Variants in ZBTB20 observed in about 807,000 individuals in gnomAD.
The protein encoded by ZBTB20 is zinc finger and BTB domain-containing protein 20.
A neutral mutation model predicts 56.9 loss-of-function variants in ZBTB20; 9 were observed. That is an observed-to-expected ratio of 0.16 (90% CI 0.10 to 0.28). ZBTB20 has a LOEUF of 0.28. ZBTB20 is among the 10% of genes least tolerant of loss of function. The pLI, the probability that ZBTB20 is intolerant of heterozygous loss-of-function variation, is 1.00. For synonymous variants in ZBTB20, 417 were observed against 420.7 expected, an observed-to-expected ratio of 0.99 and a Z score of 0.11; for missense variants, 655 against 1,003.0, an observed-to-expected ratio of 0.65 and a Z score of 4.69.
At chr3:114,903,113 G>C (rs1175409383) in intron 3 of ZBTB20, among the ~76,000 whole-genome samples, 1 of 152,084 alleles carries the variant, frequency 6.6e-6, no homozygotes, top group Admixed American at 6.6e-5. Flanking sequence ...TCAGAGTTCT[G>C]GGAAGCAGTA....
chr3:114,454,855 T>G (rs918304235), intron 7 of ZBTB20: 1 of 151,714 alleles, frequency 6.6e-6, no homozygotes, highest in African/African-American at 2.4e-5. Flanking sequence ...TGGGTCAGCC[T>G]GCCCGTAGGA....
At chr3:115,097,661 C>G (rs937794999) in intron 1 of ZBTB20, among the ~76,000 whole-genome samples, 2 of 152,102 alleles carry the variant, frequency 1.3e-5, no homozygotes, top group African/African-American at 4.8e-5. Flanking sequence ...AAATGAAACA[C>G]ACTGTGACCT....
rs999550432 is a variant in ZBTB20 at position 115,145,554 on chromosome 3, G to T, written c.-703+1665C>A. Among the ~76,000 whole-genome samples the T allele has an allele frequency of 3.7e-4, 57 of 152,070 alleles. 1 individual carries two copies. The highest frequency in any genetic ancestry group is 1.4e-3 in the African/African-American group (57 of 41,386). ...ATCGTTGTTACACTGTATTGTTTAGGGAATTGTGGCAAGAAAAAAACTATA... is the reference window on the plus strand; with the variant it reads ...ATCGTTGTTACACTGTATTGTTTAGTGAATTGTGGCAAGAAAAAAACTATA... On this transcript the variant is annotated intron_variant, in intron 1 of 11. Transcript: ENST00000675478.
chr3:114,872,565 G>A (rs1011600242), intron 4 of ZBTB20, among the ~76,000 whole-genome samples: 16 of 151,754 alleles, frequency 1.1e-4, no homozygotes, highest in African/African-American at 7.3e-5. Context: ...GAAATAAGAC[G>A]TTTGGGGAAA....
At chr3:114,409,114 A>G (rs1482627335) in intron 7 of ZBTB20, among the ~76,000 whole-genome samples, 1 of 149,950 alleles carries the variant, frequency 6.7e-6, no homozygotes, top group Non-Finnish European at 1.5e-5. Flanking sequence ...AAGAGGGGGA[A>G]AAAGGGAAGA....
rs563202529 is a variant in ZBTB20 at position 114,874,202 on chromosome 3, C to T, written c.-417+26102G>A. The T allele has an allele frequency of 2.6e-5, 4 of 152,048 alleles. No homozygotes were observed. The South Asian group carries it at 8.3e-4, about 32-fold the overall frequency. The allele number at this position is 152,048 out of a possible 1,614,324, so 9.4% of individuals were successfully genotyped here. On this transcript the variant is annotated intron_variant, in intron 4 of 11. Transcript: ENST00000675478. ...AATAACGTATACATTTGCTTAAACT[C>T]CAGAGTAAAGGAAAAATCTCATGGA...
chr3:114,376,447 A>T (rs1223645334), intron 10 of ZBTB20, among the ~76,000 whole-genome samples: 4 of 152,224 alleles, frequency 2.6e-5, no homozygotes, highest in Non-Finnish European at 5.9e-5. Context: ...TGCCATAAAA[A>T]TCTTCTGTTT....
chr3:115,006,002 G>A (rs1372164094), intron 2 of ZBTB20, among the ~76,000 whole-genome samples: 2 of 148,884 alleles, frequency 1.3e-5, no homozygotes, highest in Non-Finnish European at 3.0e-5. Context: ...ATTGCCAAAT[G>A]TTTTTTTTTT....
intron 1 of ZBTB20, among the ~76,000 whole-genome samples, chr3:115,091,765 A>T (rs2083203232): frequency 6.6e-6 from 1 of 151,480 alleles, no homozygotes; most frequent in Non-Finnish European, 1.5e-5. Context: ...GCTAGACATA[A>T]TCATTTGTTT....
chr3:115,002,099 C>T (rs2079275703), intron 2 of ZBTB20, among the ~76,000 whole-genome samples: 1 of 151,456 alleles, frequency 6.6e-6, no homozygotes, highest in Admixed American at 6.6e-5. Flanking sequence ...GTACAGTCAA[C>T]TGTTCTTTGA....
In ZBTB20 at chr3:114,896,400, T is replaced by C. The variant is rs146936494; in HGVS notation, c.-417+3904A>G. On this transcript the variant is annotated intron_variant, in intron 4 of 11. Transcript: ENST00000675478. Reference sequence around the variant, plus strand: ...GGCAAAATGTGGTATATACATGCAATTAATTATTATTCAGCCATAAAAACA... The same window carrying C: ...GGCAAAATGTGGTATATACATGCAACTAATTATTATTCAGCCATAAAAACA... Among the ~76,000 whole-genome samples, 1,109 of 152,236 alleles carry C rather than the reference T, an allele frequency of 7.3e-3. 3 individuals are homozygous for C. The highest frequency in any genetic ancestry group is 0.011 in the Non-Finnish European group (761 of 67,994).
At chr3:114,609,575 A>G (rs2057403383) in intron 6 of ZBTB20, among the ~76,000 whole-genome samples, 1 of 152,170 alleles carries the variant, frequency 6.6e-6, no homozygotes, top group Non-Finnish European at 1.5e-5. Flanking sequence ...GCATATTGAG[A>G]TGATGAAGAC....
Position 115,005,167 on chromosome 3 carries a change from A to G in ZBTB20, c.-506-30751T>C, listed in dbSNP as rs556299270. On this transcript the variant is annotated intron_variant, in intron 2 of 11. Transcript: ENST00000675478. ...TCTTCACTTTTAAATTAATACATTT[A>G]GAAAAGGTTTAATAGAATGTGGCTG... Among the ~76,000 whole-genome samples the G allele has an allele frequency of 2.0e-5, 3 of 151,946 alleles. No homozygotes were observed. The South Asian group carries it at 6.2e-4, about 31-fold the overall frequency.
chr3:114,816,360 G>C (rs772484714), intron 4 of ZBTB20, among the ~76,000 whole-genome samples: 2 of 152,100 alleles, frequency 1.3e-5, no homozygotes, highest in Admixed American at 6.5e-5. Context: ...TTAGGTTAAG[G>C]AGAAATGGTG....
intron 3 of ZBTB20, among the ~76,000 whole-genome samples, chr3:114,908,054 C>T (rs904538394): frequency 6.6e-6 from 1 of 151,770 alleles, no homozygotes; most frequent in Non-Finnish European, 1.5e-5. Flanking sequence ...GGGAGTTAGC[C>T]AGAAATGCCT....
intron 5 of ZBTB20, among the ~76,000 whole-genome samples, chr3:114,775,498 C>T (rs550878691): frequency 1.3e-4 from 20 of 150,142 alleles, no homozygotes; most frequent in African/African-American, 4.9e-4. Flanking sequence ...CTCCTTACTC[C>T]ACCTCTTTTC....
chr3:114,607,805 A>G (rs1490911572), intron 6 of ZBTB20, among the ~76,000 whole-genome samples: 4 of 152,234 alleles, frequency 2.6e-5, no homozygotes, highest in Non-Finnish European at 5.9e-5. Flanking sequence ...CTCTGTAAAT[A>G]CTCATGGACA....
intron 6 of ZBTB20, among the ~76,000 whole-genome samples, chr3:114,653,277 G>A (rs1191080982): frequency 6.6e-6 from 1 of 151,856 alleles, no homozygotes; most frequent in African/African-American, 2.4e-5. Flanking sequence ...TGTTTTCATA[G>A]AGGCCCTTCA....
At chr3:114,378,639 A>G (rs1463443433) in intron 10 of ZBTB20, among the ~76,000 whole-genome samples, 1 of 152,226 alleles carries the variant, frequency 6.6e-6, no homozygotes, top group Non-Finnish European at 1.5e-5. Context: ...ATCCATACCC[A>G]TAAGGTGTGG....
Sources: allele counts gnomAD v4.1 joint callset (sites outside exome capture counted in the v4.1 genomes callset), GRCh38; gene constraint gnomAD v4.1.1; transcripts MANE v1.5; gene names NCBI Gene and HGNC (gene_info 2026-07-23, HGNC 2026-07-21).